The following CRPPA variants were observed in gnomAD, a reference collection of about 807,000 sequenced individuals.
CRPPA encodes CDP-L-ribitol pyrophosphorylase A, also known as D-ribitol-5-phosphate cytidylyltransferase.
CRPPA carries 43 observed loss-of-function variants against 52.0 expected under a neutral mutation model. The observed-to-expected ratio is 0.83, with a 90% CI of 0.65 to 1.07. The LOEUF (loss-of-function observed/expected upper bound fraction) is 1.07, where lower values mean the gene tolerates loss of function less well. Ranked by LOEUF, CRPPA falls within the 50% of genes least tolerant of loss-of-function variation. CRPPA has a pLI of 0.00. For synonymous variants in CRPPA, 250 were observed against 203.5 expected (o/e 1.23, Z -1.94); for missense variants, 629 against 551.7 (o/e 1.14, Z -1.40).
chr7:16,238,359 C>G (rs947532998), intron 8 of CRPPA, among the ~76,000 whole-genome samples: 19 of 151,952 alleles, frequency 1.3e-4, no homozygotes, highest in African/African-American at 4.6e-4. Flanking sequence ...TCATTCCCTG[C>G]CAAGTGCTAA....
intron 3 of CRPPA, among the ~76,000 whole-genome samples, chr7:16,322,803 A>G (rs1209712688): frequency 1.3e-5 from 2 of 149,970 alleles, no homozygotes; most frequent in Admixed American, 1.3e-4. Flanking sequence ...TCATGCTGCT[A>G]TGAAGAAATA....
chr7:16,289,425 C>A (rs974880317), intron 5 of CRPPA, among the ~76,000 whole-genome samples: 3 of 151,888 alleles, frequency 2.0e-5, no homozygotes, highest in Non-Finnish European at 4.4e-5. Context: ...AGACACAAAA[C>A]CCCCGAAGAA....
intron 6 of CRPPA, among the ~76,000 whole-genome samples, chr7:16,259,872 G>C (rs997652459): frequency 6.6e-6 from 1 of 151,898 alleles, no homozygotes; most frequent in Non-Finnish European, 1.5e-5. Flanking sequence ...CTATTTAGTA[G>C]CTTAATTTGC....
intron 8 of CRPPA, among the ~76,000 whole-genome samples, chr7:16,234,898 A>G (rs1191037833): frequency 6.6e-6 from 1 of 152,136 alleles, no homozygotes; most frequent in Non-Finnish European, 1.5e-5. Flanking sequence ...TTTCAGGTAG[A>G]AAGAAAAACT....
At position 16,232,325 on chromosome 7, in the gene CRPPA, C is replaced by T. The variant is rs74956820; in HGVS notation, c.1120-16128G>A. On this transcript the variant is annotated intron_variant, in intron 8 of 9. Transcript: ENST00000407010. Reference sequence around the variant, plus strand: ...CTTTAAGAGGTGATAAGGTCATGAGCGCTTATGAAGGGACTAATGCCTTTA... The same window carrying T: ...CTTTAAGAGGTGATAAGGTCATGAGTGCTTATGAAGGGACTAATGCCTTTA... Among the ~76,000 whole-genome samples, 2,845 of 152,176 alleles carry T rather than the reference C, an allele frequency of 0.019. 122 individuals carry two copies. In the East Asian group the frequency reaches 0.19, roughly 10 times the overall value.
chr7:16,158,486 C>T (rs956083101), intron 9 of CRPPA, among the ~76,000 whole-genome samples: 1 of 151,904 alleles, frequency 6.6e-6, no homozygotes, highest in Non-Finnish European at 1.5e-5. Context: ...ATTAATAGAA[C>T]AGGGACAGGT....
chr7:16,335,293 C>A (rs1785653629), intron 3 of CRPPA, among the ~76,000 whole-genome samples: 1 of 151,906 alleles, frequency 6.6e-6, no homozygotes, highest in African/African-American at 2.4e-5. Context: ...GTCAAGGCTG[C>A]AATGAGCTGT....
intron 8 of CRPPA, among the ~76,000 whole-genome samples, chr7:16,218,851 T>C (rs1782413594): frequency 6.7e-6 from 1 of 149,428 alleles, no homozygotes; most frequent in Non-Finnish European, 1.5e-5. Flanking sequence ...TGGGAGACTT[T>C]AACACCCCAC....
chr7:16,284,906 T>C (rs1028228214), intron 5 of CRPPA, among the ~76,000 whole-genome samples: 2 of 152,106 alleles, frequency 1.3e-5, no homozygotes, highest in Non-Finnish European at 2.9e-5. Context: ...TATATAACTA[T>C]GGGAGCAGGG....
At chr7:16,313,640 T>C (rs1785084378) in intron 3 of CRPPA, among the ~76,000 whole-genome samples, 1 of 152,028 alleles carries the variant, frequency 6.6e-6, no homozygotes, top group African/African-American at 2.4e-5. Flanking sequence ...TAGGTCTTTC[T>C]TTTTTAACAT....
intron 3 of CRPPA, among the ~76,000 whole-genome samples, chr7:16,362,106 A>G (rs1055680834): frequency 6.6e-6 from 1 of 152,136 alleles, no homozygotes; most frequent in Non-Finnish European, 1.5e-5. Flanking sequence ...CGCCCGCCTC[A>G]GCCTCCCAAA....
At chr7:16,202,280 T>C (rs1230868380) in intron 9 of CRPPA, among the ~76,000 whole-genome samples, 1 of 152,162 alleles carries the variant, frequency 6.6e-6, no homozygotes, top group African/African-American at 2.4e-5. Context: ...AAAACATAAA[T>C]AATTTAACCA....
chr7:16,275,130 C>CA (rs1341973251), intron 6 of CRPPA, among the ~76,000 whole-genome samples: 1 of 151,904 alleles, frequency 6.6e-6, no homozygotes, highest in Non-Finnish European at 1.5e-5. Flanking sequence ...TAAAGACACA[C>CA]ACAGTTTAAG....
At chr7:16,390,682 G>A (rs1787417334) in intron 2 of CRPPA, among the ~76,000 whole-genome samples, 1 of 152,154 alleles carries the variant, frequency 6.6e-6, no homozygotes, top group Admixed American at 6.5e-5. Flanking sequence ...TTTTAATCGA[G>A]CTTGAGCAAA....
intron 6 of CRPPA, among the ~76,000 whole-genome samples, chr7:16,274,270 G>T (rs562641156): frequency 6.6e-6 from 1 of 151,954 alleles, no homozygotes; most frequent in Non-Finnish European, 1.5e-5. Context: ...GGATGGTCTC[G>T]ATCTCCTGAC....
chr7:16,234,878 AAAG>A (rs1436649641), intron 8 of CRPPA, among the ~76,000 whole-genome samples: 1 of 152,130 alleles, frequency 6.6e-6, no homozygotes, highest in African/African-American at 2.4e-5. Context: ...ACAATTAAAA[AAAG>A]AAGGTGTTTC....
At chr7:16,386,833 C>T (rs956358793) in intron 2 of CRPPA, among the ~76,000 whole-genome samples, 12 of 151,564 alleles carry the variant, frequency 7.9e-5, no homozygotes, top group Non-Finnish European at 1.6e-4. Flanking sequence ...CCAGCCTGGC[C>T]AACAGGGGAA....
chr7:16,258,963 T>C lies in CRPPA; in HGVS notation c.983A>G (p.Gln328Arg). 1 of 1,611,384 alleles carries C rather than the reference T, an allele frequency of 6.2e-7. No individual in the cohort carries two copies. Among genetic ancestry groups the C allele is most frequent in the Non-Finnish European group, 8.5e-7 (1 of 1,178,492 alleles). Residue 328 changes from glutamine to arginine, a missense_variant, in exon 7 of 10, where the codon CAG becomes CGG. Gln to Arg is a conservative substitution (Grantham distance 43, BLOSUM62 1). Transcript: ENST00000407010. The part of the protein sequence containing the change: ...EALGHAGRHL[Q>R]QIILDQCYNF... ...GTAGCATTGATCTAAGATGATTTGC[T>C]GAAGATGTCTGCCAGCATGACCCAG... is the stretch of plus-strand genomic sequence containing the variant.
At chr7:16,196,138 T>C (rs900069749) in intron 9 of CRPPA, among the ~76,000 whole-genome samples, 2 of 152,224 alleles carry the variant, frequency 1.3e-5, no homozygotes, top group Non-Finnish European at 2.9e-5. Flanking sequence ...ATATATGTTG[T>C]CTTTTTTACT....
Sources: gnomAD v4.1 joint callset for allele counts (sites outside exome capture counted in the v4.1 genomes callset) on GRCh38, gnomAD v4.1.1 for gene constraint, MANE v1.5 for transcripts, NCBI Gene and HGNC (gene_info 2026-07-23, HGNC 2026-07-21) for gene names.